The following CSMD1 variants were observed in gnomAD, a reference collection of about 807,000 sequenced individuals.
The protein encoded by CSMD1 is CUB and sushi domain-containing protein 1.
A neutral mutation model predicts 417.5 loss-of-function variants in CSMD1; 213 were observed. The ratio of observed to expected loss-of-function variants is 0.51; its 90% CI spans 0.46 to 0.57. The LOEUF (loss-of-function observed/expected upper bound fraction) is 0.57. Among genes scored for constraint, CSMD1 ranks in the 20% least tolerant of loss-of-function variants. CSMD1 has a pLI of 0.00. For missense variants in CSMD1, 6,923 were observed against 4,529.7 expected, an observed-to-expected ratio of 1.53 and a Z score of -15.17; for synonymous variants, 2,862 against 1,736.8, an observed-to-expected ratio of 1.65 and a Z score of -16.11.
chr8:4,109,891 A>C lies in CSMD1; in HGVS notation c.416-77792T>G, dbSNP rs568682557. ...AGTCATTGTGCTTTTTCTCATAATA[A>C]AGTTCTTTTCCAGGCAATTTGGGCA... On this transcript the variant is annotated intron_variant, in intron 3 of 69. Coordinates refer to ENST00000635120, the MANE Select transcript of CSMD1 (RefSeq NM_033225.6). Among the ~76,000 whole-genome samples the C allele has an allele frequency of 2.0e-5, 3 of 152,278 alleles. No individual in the cohort carries two copies. In the East Asian group the frequency reaches 5.8e-4, roughly 29 times the overall value.
chr8:2,939,293 G>A (rs1200206147), intron 69 of CSMD1, among the ~76,000 whole-genome samples: 1 of 152,196 alleles, frequency 6.6e-6, no homozygotes, highest in Non-Finnish European at 1.5e-5. Flanking sequence ...AGCACGGTAT[G>A]CTTACACTAA....
intron 5 of CSMD1, among the ~76,000 whole-genome samples, chr8:3,953,195 C>T (rs2262209): frequency 6.6e-6 from 1 of 151,708 alleles, no homozygotes; most frequent in Admixed American, 6.6e-5. Flanking sequence ...TGTGTAGAAG[C>T]ACTATAAACA....
chr8:3,024,263 T>A (rs995271216), intron 51 of CSMD1, among the ~76,000 whole-genome samples: 1 of 143,360 alleles, frequency 7.0e-6, no homozygotes. Context: ...TTCTTGTAGA[T>A]CCCAGATAAT....
At chr8:3,859,227 A>G (rs972431839) in intron 5 of CSMD1, among the ~76,000 whole-genome samples, 6 of 152,158 alleles carry the variant, frequency 3.9e-5, no homozygotes, top group African/African-American at 1.4e-4. Flanking sequence ...GCCACCATTC[A>G]ACTTCTCAAG....
intron 10 of CSMD1, among the ~76,000 whole-genome samples, chr8:3,545,944 G>C (rs1228666710): frequency 6.6e-6 from 1 of 152,164 alleles, no homozygotes; most frequent in Non-Finnish European, 1.5e-5. Context: ...GGTGCAGTGG[G>C]AGAAACTGGA....
intron 39 of CSMD1, 61 bp downstream of exon 39, chr8:3,157,836 G>T: frequency 1.5e-6 from 2 of 1,340,176 alleles, no homozygotes; most frequent in Non-Finnish European, 2.1e-6. Context: ...CCCAAGAGTA[G>T]AGCAGGCATG....
intron 1 of CSMD1, among the ~76,000 whole-genome samples, chr8:4,737,682 G>C (rs1563256129): frequency 6.6e-6 from 1 of 152,150 alleles, no homozygotes; most frequent in Non-Finnish European, 1.5e-5. Context: ...TGAATGCAAG[G>C]AATAAATCAT....
chr8:4,303,419 GCT>G, intron 3 of CSMD1, among the ~76,000 whole-genome samples: 1 of 105,844 alleles, frequency 9.4e-6, no homozygotes, highest in Non-Finnish European at 1.9e-5. Context: ...TGGGCAGGAA[GCT>G]GTTTTTTTTT....
At chr8:3,987,459 T>A (rs1814419608) in intron 5 of CSMD1, among the ~76,000 whole-genome samples, 2 of 152,220 alleles carry the variant, frequency 1.3e-5, no homozygotes, top group African/African-American at 2.4e-5. Context: ...ACTTTTACTT[T>A]CATATTCACC....
At chr8:4,173,107 A>G (rs887143021) in intron 3 of CSMD1, among the ~76,000 whole-genome samples, 16 of 152,120 alleles carry the variant, frequency 1.1e-4, no homozygotes, top group Non-Finnish European at 2.4e-4. Context: ...TATGAACCAC[A>G]CGGAGGAAGT....
chr8:4,112,005 T>C (rs1339581101), intron 3 of CSMD1, among the ~76,000 whole-genome samples: 1 of 151,600 alleles, frequency 6.6e-6, no homozygotes, highest in Non-Finnish European at 1.5e-5. Context: ...TTATACCAAG[T>C]CTTTTAAATG....
chr8:4,722,172 C>G (rs1809101671), intron 1 of CSMD1, among the ~76,000 whole-genome samples: 1 of 152,096 alleles, frequency 6.6e-6, no homozygotes, highest in African/African-American at 2.4e-5. Context: ...TTTTTACACA[C>G]ACACACATGC....
rs181898492 is a variant in CSMD1, at chr8:3,438,937, G to A, written c.1562-29332C>T. Reference sequence around the variant, plus strand: ...TCAAGATGAGTCTGGCCAACCTGGTGAAACCTCATCTCTACTAAAAATACA... The same window carrying A: ...TCAAGATGAGTCTGGCCAACCTGGTAAAACCTCATCTCTACTAAAAATACA... On this transcript the variant is annotated intron_variant, in intron 12 of 69. Transcript: ENST00000635120. 2.5e-3 allele frequency among the ~76,000 whole-genome samples: 374 copies of A among 151,230 alleles called. 1 individual carries two copies. The highest frequency in any genetic ancestry group is 8.0e-3 in the African/African-American group (329 of 41,134).
intron 2 of CSMD1, among the ~76,000 whole-genome samples, chr8:4,613,572 G>A (rs1801305159): frequency 6.6e-6 from 1 of 152,202 alleles, no homozygotes; most frequent in Non-Finnish European, 1.5e-5. Flanking sequence ...ACAGTTAAGT[G>A]ATGGCTGAGC....
intron 1 of CSMD1, among the ~76,000 whole-genome samples, chr8:4,905,739 G>A (rs1332547391): frequency 2.1e-5 from 3 of 143,638 alleles, no homozygotes; most frequent in African/African-American, 5.1e-5. Context: ...AGAATGGCGT[G>A]AAACCGGGAG....
At chr8:3,707,046 A>G (rs11986814) in intron 7 of CSMD1, among the ~76,000 whole-genome samples, 84,743 of 151,626 alleles carry the variant, frequency 0.56, 24,020 homozygotes, top group African/African-American at 0.65. Flanking sequence ...GGGTAGTCAG[A>G]GTATGGTAGC....
chr8:3,721,874 T>C (rs1221397999), intron 6 of CSMD1, among the ~76,000 whole-genome samples: 2 of 152,088 alleles, frequency 1.3e-5, no homozygotes, highest in South Asian at 2.1e-4. Flanking sequence ...TAGCAGAGAA[T>C]GAAGTGCCCG....
chr8:4,950,851 T>A (rs181021588), intron 1 of CSMD1, among the ~76,000 whole-genome samples: 11 of 152,236 alleles, frequency 7.2e-5, no homozygotes, highest in Admixed American at 6.5e-4. Flanking sequence ...CCACTCTTGG[T>A]GTACCCTACC....
chr8:3,918,507 T>C (rs553161235), intron 5 of CSMD1, among the ~76,000 whole-genome samples: 1 of 152,300 alleles, frequency 6.6e-6, no homozygotes, highest in South Asian at 2.1e-4. Flanking sequence ...ATATATCTAC[T>C]TGGGTTATTT....
Sources: allele counts gnomAD v4.1 joint callset (sites outside exome capture counted in the v4.1 genomes callset), GRCh38; gene constraint gnomAD v4.1.1; transcripts MANE v1.5; gene names NCBI Gene and HGNC (gene_info 2026-07-23, HGNC 2026-07-21).